The following KIAA1614 variants were observed in gnomAD, a reference collection of about 807,000 sequenced individuals.
The protein encoded by KIAA1614 is uncharacterized protein KIAA1614.
Under a neutral mutation model 88.7 loss-of-function variants are expected in KIAA1614, and 76 were observed. That is an observed-to-expected ratio of 0.86 (90% CI 0.71 to 1.04). The LOEUF is 1.04. Ranked by LOEUF, KIAA1614 falls within the 50% of genes least tolerant of loss-of-function variation. The pLI, the probability that KIAA1614 is intolerant of heterozygous loss-of-function variation, is 0.00. For synonymous variants in KIAA1614, 714 were observed against 675.5 expected (o/e 1.06, Z -0.88); for missense variants, 1,553 against 1,582.5 (o/e 0.98, Z 0.32).
Position 180,944,415 on chromosome 1 carries a change from A to C in KIAA1614, c.3186A>C (p.Lys1062Asn). 1.2e-6 allele frequency: 2 copies of C among 1,613,904 alleles called. No individual in the cohort carries two copies. Among genetic ancestry groups the C allele is most frequent in the Non-Finnish European group, 1.7e-6 (2 of 1,179,852 alleles). Residue 1062 changes from lysine (K) to asparagine (N), a missense_variant, in exon 8 of 9, where the codon AAA (lysine) becomes AAC (asparagine). Lys to Asn is a moderately conservative substitution (Grantham distance 94). Transcript: ENST00000367588. ...HPVSPSHQRR[K>N]AASFQNLHSL... ...TGTCACCCTCTCACCAGCGTCGGAA[A>C]GCTGCCTCTTTTCAGAACCTCCATT... is the stretch of plus-strand genomic sequence containing the variant.
intron 4 of KIAA1614, among the ~76,000 whole-genome samples, chr1:180,932,240 G>A (rs1394367765): frequency 1.3e-5 from 2 of 152,112 alleles, no homozygotes; most frequent in African/African-American, 4.8e-5. Context: ...GTGAGATCCT[G>A]CACCGTCTTC....
Position 180,936,220 on chromosome 1 carries a change from G to A in KIAA1614, c.2311G>A (p.Glu771Lys), listed in dbSNP as rs375678402. ...GGQAQVTESHESLEIVSPSSL... is the reference protein window; with the variant it reads ...GGQAQVTESHKSLEIVSPSSL... ...CCAGGCCCAGGTTACAGAAAGCCACGAGTCCCTGGAAATTGTCTCTCCTTC... is the reference window on the plus strand; with the variant it reads ...CCAGGCCCAGGTTACAGAAAGCCACAAGTCCCTGGAAATTGTCTCTCCTTC... The change falls in exon 5 of 9, where the codon GAG (glutamate) becomes AAG (lysine). Residue 771 changes from glutamate to lysine, a missense_variant. Physicochemically the swap from Glu to Lys is moderately conservative, Grantham distance 56. Transcript: ENST00000367588. 17 of 1,614,040 alleles carry A rather than the reference G, an allele frequency of 1.1e-5. No homozygotes were observed. Among genetic ancestry groups the A allele is most frequent in the African/African-American group, 2.7e-5 (2 of 74,908 alleles).
At chr1:180,927,766 A>G (rs3845417) in intron 3 of KIAA1614, among the ~76,000 whole-genome samples, 148,657 of 152,266 alleles carry the variant, frequency 0.98, 72,680 homozygotes, top group Middle Eastern at 1. Flanking sequence ...TGAAAGTCGA[A>G]CCACTTGCTG....
Position 180,936,591 on chromosome 1 carries a change from G to A in KIAA1614, c.2682G>A (p.Gly894=). The part of the protein sequence containing the change: ...SAPRGLQEPY[G]GAVHEGRVER... ...CTCGGGGGCTGCAGGAGCCCTACGG[G>A]GGAGCCGTCCACGAGGGTAGGGTGG... The change falls in exon 5 of 9, where the codon GGG becomes GGA. Residue 894 remains glycine, a synonymous_variant. Transcript: ENST00000367588. 2 of 1,612,066 alleles carry A rather than the reference G, an allele frequency of 1.2e-6. No homozygotes were observed. The highest frequency in any genetic ancestry group is 1.7e-6 in the Non-Finnish European group (2 of 1,179,540).
Position 180,945,705 on chromosome 1 carries a change from C to T in KIAA1614, c.*117C>T. The T allele has an allele frequency of 1.4e-6, 2 of 1,410,238 alleles. No homozygotes were observed. Among genetic ancestry groups the T allele is most frequent in the Non-Finnish European group, 1.8e-6 (2 of 1,092,810 alleles). The allele number at this position is 1,410,238 out of a possible 1,614,324, so 87.4% of individuals were successfully genotyped here. On this transcript the variant is annotated 3_prime_UTR_variant, in exon 9 of 9. Transcript: ENST00000367588. The stretch of plus-strand genomic sequence containing the variant: ...GGAGTCTGCACCTGCAGAGCCTTTG[C>T]CCTAGGCAACTGCAGCTGAGAGTGC...
chr1:180,933,745 CAGAT>C (rs1343781616), intron 4 of KIAA1614, among the ~76,000 whole-genome samples: 2 of 152,154 alleles, frequency 1.3e-5, no homozygotes, highest in African/African-American at 2.4e-5. Context: ...AAGTGGATGA[CAGAT>C]GGACAGACTC....
intron 1 of KIAA1614, among the ~76,000 whole-genome samples, chr1:180,914,524 A>G (rs73047789): frequency 0.015 from 2,214 of 152,218 alleles, 64 homozygotes; most frequent in African/African-American, 0.049. Flanking sequence ...CTGTAGAAGT[A>G]TATAATAAAG....
intron 4 of KIAA1614, among the ~76,000 whole-genome samples, chr1:180,931,527 T>A (rs552496168): frequency 6.6e-6 from 1 of 152,358 alleles, no homozygotes; most frequent in Non-Finnish European, 1.5e-5. Flanking sequence ...GCTGCCTCAT[T>A]CGTCCTGCAC....
At chr1:180,927,587 G>A (rs1449609070) in intron 3 of KIAA1614, among the ~76,000 whole-genome samples, 1 of 152,238 alleles carries the variant, frequency 6.6e-6, no homozygotes, top group Non-Finnish European at 1.5e-5. Flanking sequence ...CGTCTTGTCA[G>A]TGGGAGATTG....
chr1:180,925,017 G>A (rs1485947614), intron 3 of KIAA1614, among the ~76,000 whole-genome samples: 1 of 151,912 alleles, frequency 6.6e-6, no homozygotes, highest in Non-Finnish European at 1.5e-5. Context: ...AGCAGATAGG[G>A]AAACTGAGGC....
Position 180,944,461 on chromosome 1 carries a change from A to G in KIAA1614, c.3232A>G (p.Asn1078Asp), listed in dbSNP as rs2331995. 1,612,577 of 1,614,004 alleles carry G rather than the reference A, an allele frequency of 1. 805,592 individuals are homozygous for G. The highest frequency in any genetic ancestry group is 1 in the East Asian group (44,882 of 44,882). ...CCATTCTCTGCTGAGCAGCAAGGGG[A>G]ACCGGTCCAGCCTCTACCTGGTAGC... ...NLHSLLSSKG[N>D]RSSLYLVAGP... The change falls in exon 8 of 9, where the codon AAC becomes GAC. Residue 1078 changes from asparagine (N) to aspartate (D), a missense_variant. Transcript: ENST00000367588.
intron 1 of KIAA1614, among the ~76,000 whole-genome samples, chr1:180,914,742 A>AT (rs57203422): frequency 0.023 from 3,358 of 143,834 alleles, 122 homozygotes; most frequent in African/African-American, 0.082. Flanking sequence ...ATTTTTATTT[A>AT]TTTTTTTTAT....
chr1:180,921,150 G>A (rs1013061947), intron 3 of KIAA1614, among the ~76,000 whole-genome samples: 4 of 145,044 alleles, frequency 2.8e-5, no homozygotes, highest in Admixed American at 6.9e-5. Context: ...GGGTGGGGCC[G>A]TTTTATAGGA....
chr1:180,935,830 C>CA lies in KIAA1614; in HGVS notation c.1923dup (p.Gly642ArgfsTer23). On this transcript the variant is annotated frameshift_variant, in exon 5 of 9. Transcript: ENST00000367588. LOFTEE classifies it high-confidence loss of function. This position sits in a 1 kb window ranked among gnomAD's most constrained non-coding sequence, Gnocchi z 6.1. Reference sequence around the variant, plus strand: ...GGCTGGCTGGGCGTGTGGGCGGACCCAAGGCAGCAGCCCGCGACTGCGACT... The same window carrying CA: ...GGCTGGCTGGGCGTGTGGGCGGACCCAAAGGCAGCAGCCCGCGACTGCGACT... 1 of 1,613,612 alleles carries CA rather than the reference C, an allele frequency of 6.2e-7. No homozygotes were observed. Among genetic ancestry groups the CA allele is most frequent in the Non-Finnish European group, 8.5e-7 (1 of 1,179,904 alleles).
chr1:180,936,729 G>A lies in KIAA1614; in HGVS notation c.2761+59G>A, dbSNP rs939941133. 31 of 1,174,388 alleles carry A rather than the reference G, an allele frequency of 2.6e-5. No homozygotes were observed. The African/African-American group carries it at 3.3e-4, about 12-fold the overall frequency. The allele number at this position is 1,174,388 out of a possible 1,614,324, so 72.7% of individuals were successfully genotyped here. A position where few individuals can be genotyped will look rare whatever the true frequency, so the allele number is the denominator to read the frequency against. On this transcript the variant is annotated intron_variant, in intron 5 of 8. Coordinates refer to ENST00000367588, the MANE Select transcript of KIAA1614 (RefSeq NM_020950.2). ...GGCCTGGTGTGGTTCTACAGCAGAC[G>A]CCCAGACCCAATCCATGACACACAG...
chr1:180,925,760 G>T lies in KIAA1614; in HGVS notation c.1062-2670G>T, dbSNP rs1476483706. 2.0e-5 allele frequency among the ~76,000 whole-genome samples: 3 copies of T among 152,224 alleles called. No homozygotes were observed. The East Asian group carries it at 5.8e-4, about 29-fold the overall frequency. On this transcript the variant is annotated intron_variant, in intron 3 of 8. Coordinates refer to ENST00000367588, the MANE Select transcript of KIAA1614 (RefSeq NM_020950.2). The stretch of plus-strand genomic sequence containing the variant: ...CGAGGACACAGGTGGCTGGAGGGGT[G>T]GGGGAAGGGCCAGCATACTCTAGTG...
chr1:180,944,922 A>T (rs535606471), intron 8 of KIAA1614: 1 of 271,772 alleles, frequency 3.7e-6, no homozygotes, highest in East Asian at 9.0e-5. Context: ...ACCCTGTCCG[A>T]TGAGGCCCTG....
intron 3 of KIAA1614, among the ~76,000 whole-genome samples, chr1:180,920,817 G>C (rs1051787036): frequency 1.3e-5 from 2 of 152,162 alleles, no homozygotes; most frequent in Non-Finnish European, 2.9e-5. Flanking sequence ...GTCAGATGCG[G>C]AGGAGACCCC....
chr1:180,940,915 C>A, intron 6 of KIAA1614, 130 bp from the exon 7 acceptor site: 1 of 791,174 alleles, frequency 1.3e-6, no homozygotes, highest in Non-Finnish European at 2.0e-6. Context: ...GTTGTTAGTT[C>A]CTGGCCCCAA....
Sources: gnomAD v4.1 joint callset for allele counts (sites outside exome capture counted in the v4.1 genomes callset) on GRCh38, gnomAD v4.1.1 for gene constraint, Gnocchi (gnomAD v3.1) non-coding constraint, MANE v1.5 for transcripts, NCBI Gene and HGNC (gene_info 2026-07-23, HGNC 2026-07-21) for gene names.